SHTN1: variants seen among roughly 807,000 people sequenced by gnomAD.
SHTN1 encodes the protein shootin-1.
In SHTN1, 42 loss-of-function variants were observed where a neutral mutation model predicts 83.1. That is an observed-to-expected ratio of 0.51 (90% CI 0.39 to 0.65). The LOEUF is 0.65. SHTN1 is among the 30% of genes least tolerant of loss of function. The pLI, the probability that SHTN1 is intolerant of heterozygous loss-of-function variation, is 0.00. For synonymous variants in SHTN1, 224 were observed against 247.7 expected (o/e 0.90, Z 0.90); for missense variants, 622 against 737.8 (o/e 0.84, Z 1.82).
At chr10:116,963,973 GTTT>G (rs34054568) in intron 3 of SHTN1, among the ~76,000 whole-genome samples, 1 of 146,128 alleles carries the variant, frequency 6.8e-6, no homozygotes, top group Non-Finnish European at 1.5e-5. Flanking sequence ...TAGGGTAACT[GTTT>G]TTTTTTTTTT....
chr10:117,017,490 CA>C lies in SHTN1; in HGVS notation c.-123+30954del, dbSNP rs34947397. On this transcript the variant is annotated intron_variant, in intron 2 of 17. Coordinates refer to the SHTN1 transcript ENST00000392901. ...TGGGCGACAGAGCGAGACTCCGTCT[CA>C]AAAAAAAAAAAAAAAATTAAATAAA... Among the ~76,000 whole-genome samples the C allele has an allele frequency of 5.5e-3, 691 of 126,550 alleles. 8 individuals are homozygous for C. The highest frequency in any genetic ancestry group is 0.02 in the African/African-American group (653 of 32,582). 83.0% of individuals were successfully genotyped at this position (126,550 alleles called of 152,430 possible).
intron 1 of SHTN1, among the ~76,000 whole-genome samples, chr10:117,001,711 T>C (rs1851827929): frequency 1.3e-5 from 2 of 152,204 alleles, no homozygotes; most frequent in Admixed American, 6.5e-5. Flanking sequence ...ATGTATTATA[T>C]ATTTCAAAAG....
At chr10:117,041,530 G>A (rs1852584561) in intron 2 of SHTN1, among the ~76,000 whole-genome samples, 1 of 152,084 alleles carries the variant, frequency 6.6e-6, no homozygotes, top group East Asian at 1.9e-4. Context: ...TCAGTGACAG[G>A]CATTGCTTCA....
intron 1 of SHTN1, among the ~76,000 whole-genome samples, chr10:117,104,198 T>TA (rs1484334371): frequency 5.9e-5 from 9 of 152,338 alleles, no homozygotes; most frequent in South Asian, 4.1e-4. Context: ...CACGTTGTGT[T>TA]AGAGTTTATT....
chr10:117,097,827 C>T (rs796771965), intron 1 of SHTN1, among the ~76,000 whole-genome samples: 2 of 152,220 alleles, frequency 1.3e-5, no homozygotes, highest in African/African-American at 2.4e-5. Flanking sequence ...TTCTCAATTT[C>T]TTGCATCACA....
At chr10:117,103,470 T>C (rs1317010191) in intron 1 of SHTN1, among the ~76,000 whole-genome samples, 1 of 151,808 alleles carries the variant, frequency 6.6e-6, no homozygotes, top group Non-Finnish European at 1.5e-5. Flanking sequence ...TTAGCGGTTA[T>C]GGGTCTTGAG....
At chr10:116,953,260 G>A (rs1409821609) in intron 5 of SHTN1, among the ~76,000 whole-genome samples, 1 of 152,148 alleles carries the variant, frequency 6.6e-6, no homozygotes, top group Non-Finnish European at 1.5e-5. Context: ...TGTATCATAT[G>A]ATCTTGCCTT....
chr10:116,943,824 C>T (rs1399607774), intron 8 of SHTN1, among the ~76,000 whole-genome samples: 1 of 152,162 alleles, frequency 6.6e-6, no homozygotes, highest in Non-Finnish European at 1.5e-5. Flanking sequence ...TTCCTTCAAC[C>T]TACAGTATGC....
chr10:116,949,504 G>A (rs780540579), intron 6 of SHTN1, among the ~76,000 whole-genome samples: 28 of 152,048 alleles, frequency 1.8e-4, no homozygotes, highest in Non-Finnish European at 2.8e-4. Context: ...GTCAAGATCC[G>A]ATACTCAATT....
At chr10:117,062,026 A>C (rs946078224) in intron 1 of SHTN1, among the ~76,000 whole-genome samples, 1 of 152,160 alleles carries the variant, frequency 6.6e-6, no homozygotes, top group Non-Finnish European at 1.5e-5. Context: ...AACCTCAAAA[A>C]AGGGTCAGAT....
intron 1 of SHTN1, among the ~76,000 whole-genome samples, chr10:117,095,473 A>G (rs1364865491): frequency 6.6e-6 from 1 of 152,254 alleles, no homozygotes; most frequent in Middle Eastern, 3.2e-3. Context: ...TGCTTCGAAA[A>G]TATCACACTA....
intron 1 of SHTN1, among the ~76,000 whole-genome samples, chr10:117,056,673 T>TAA (rs1415492859): frequency 6.6e-6 from 1 of 151,998 alleles, no homozygotes; most frequent in Non-Finnish European, 1.5e-5. Context: ...TAGCCGGGCA[T>TAA]GGTGGTACGT....
chr10:116,973,743 C>G (rs536996222), intron 2 of SHTN1: 1 of 537,716 alleles, frequency 1.9e-6, no homozygotes, highest in African/African-American at 1.9e-5. Context: ...GCCACTAAGT[C>G]TGAAGAAGTT....
At chr10:116,997,929 A>G (rs923654294) in intron 1 of SHTN1, among the ~76,000 whole-genome samples, 1 of 152,164 alleles carries the variant, frequency 6.6e-6, no homozygotes, top group African/African-American at 2.4e-5. Flanking sequence ...TGTCTCTACT[A>G]AAAATACATA....
In SHTN1 at chr10:116,943,889, G is replaced by T. The variant is rs1220059457; in HGVS notation, c.711+1035C>A. ...GAGATCTCATTGCAGACCAGCTTTT[G>T]AGTTTAGCCCATTGGTGAACTCCTC... On this transcript the variant is annotated intron_variant, in intron 8 of 16. Transcript: ENST00000355371. 3.9e-5 allele frequency among the ~76,000 whole-genome samples: 6 copies of T among 152,082 alleles called. No individual in the cohort carries two copies. The East Asian group carries it at 7.7e-4, about 20-fold the overall frequency.
intron 11 of SHTN1, among the ~76,000 whole-genome samples, 156 bp downstream of exon 11, chr10:116,927,636 G>A (rs1848794090): frequency 2.0e-5 from 3 of 152,148 alleles, no homozygotes; most frequent in Admixed American, 2.0e-4. Flanking sequence ...AGGAAATTTG[G>A]GTGGGGACAC....
chr10:116,906,637 T>G lies in SHTN1; in HGVS notation c.1470A>C (p.Ala490=). ...TTCAAACCGGCTTACTACTGCTATC[T>G]GCTTCTGCTGTCACCTTTCTGCGAC... ...ILRRRKVTAE[A]DSSSPTGILA... Residue 490 remains alanine, a synonymous_variant, in exon 15 of 17, where the codon GCA becomes GCC. Transcript: ENST00000355371. The G allele has an allele frequency of 6.2e-7, 1 of 1,612,238 alleles. No homozygotes were observed. Among genetic ancestry groups the G allele is most frequent in the East Asian group, 2.2e-5 (1 of 44,796 alleles).
At chr10:116,947,809 T>C (rs894856619) in intron 7 of SHTN1, among the ~76,000 whole-genome samples, 2 of 152,220 alleles carry the variant, frequency 1.3e-5, no homozygotes, top group Admixed American at 6.5e-5. Context: ...TGATTAATCC[T>C]TGCAGAACCC....
intron 2 of SHTN1, among the ~76,000 whole-genome samples, chr10:116,969,988 G>C (rs796782071): frequency 1.3e-4 from 20 of 152,238 alleles, no homozygotes; most frequent in African/African-American, 4.3e-4. Context: ...ATATTTGATT[G>C]CTAACCTGCC....
Sources: allele counts gnomAD v4.1 joint callset (sites outside exome capture counted in the v4.1 genomes callset), GRCh38; gene constraint gnomAD v4.1.1; transcripts MANE v1.5; gene names NCBI Gene and HGNC (gene_info 2026-07-23, HGNC 2026-07-21).